Variants in GABRA3 observed in about 807,000 individuals in gnomAD.
GABRA3 encodes the protein gamma-aminobutyric acid receptor subunit alpha-3.
A neutral mutation model predicts 30.1 loss-of-function variants in GABRA3; 10 were observed. The observed-to-expected ratio is 0.33, with a 90% CI of 0.20 to 0.56. The LOEUF (loss-of-function observed/expected upper bound fraction) is 0.56. GABRA3 is among the 20% of genes least tolerant of loss of function. The probability of loss-of-function intolerance (pLI) is 0.89; values close to 1 mark genes in which losing one functional copy is unlikely to be tolerated. For synonymous variants in GABRA3, 151 were observed against 146.8 expected (o/e 1.03, Z -0.21); for missense variants, 233 against 392.0 (o/e 0.59, Z 3.42).
chrX:152,354,956 T>C (rs1940528033), intron 2 of GABRA3, among the ~76,000 whole-genome samples: 1 of 112,005 alleles, frequency 8.9e-6, no homozygotes, highest in African/African-American at 3.2e-5. Flanking sequence ...ATACTTATAT[T>C]CCAAGTAAAA....
rs145413873 is a variant in GABRA3, at chrX:152,316,573, G to T, written c.262+29008C>A. 7.9e-3 allele frequency among the ~76,000 whole-genome samples: 877 copies of T among 111,641 alleles called. 10 individuals carry two copies. The highest frequency in any genetic ancestry group is 0.027 in the African/African-American group (840 of 30,722). ...ACATAGTCATCAGGTTATCTAAAGT[G>T]AAGACAAAGGAGAGAATCTTAAGAG... is the stretch of plus-strand genomic sequence containing the variant. On this transcript the variant is annotated intron_variant, in intron 3 of 9. Transcript: ENST00000370314.
intron 1 of GABRA3, among the ~76,000 whole-genome samples, chrX:152,376,140 C>T (rs1341652708): frequency 8.9e-6 from 1 of 112,082 alleles, no homozygotes; most frequent in Non-Finnish European, 1.9e-5. Context: ...TAAACTAAGA[C>T]TGACAGATAC....
At chrX:152,400,500 C>T (rs1276726898) in intron 1 of GABRA3, among the ~76,000 whole-genome samples, 3 of 110,814 alleles carry the variant, frequency 2.7e-5, no homozygotes, top group Non-Finnish European at 5.7e-5. Context: ...CACAGTAAGA[C>T]CCTGTCTCAA....
intron 3 of GABRA3, among the ~76,000 whole-genome samples, chrX:152,314,399 T>A (rs1438229807): frequency 3.6e-5 from 4 of 112,294 alleles, no homozygotes; most frequent in African/African-American, 1.3e-4. Flanking sequence ...TTTTCTAGAA[T>A]AAAATCTTAT....
At chrX:152,299,622 G>T (rs929647126) in intron 3 of GABRA3, among the ~76,000 whole-genome samples, 8 of 111,827 alleles carry the variant, frequency 7.2e-5, no homozygotes, top group Non-Finnish European at 1.1e-4. Flanking sequence ...GTAAGAAAAA[G>T]AAGGTAAAAA....
rs192511419 is a variant in GABRA3 at position 152,210,406 on chromosome X, C to A, written c.635-2262G>T. Among the ~76,000 whole-genome samples, 1,082 of 111,800 alleles carry A rather than the reference C, an allele frequency of 9.7e-3. 8 individuals are homozygous for A. Among genetic ancestry groups the A allele is most frequent in the African/African-American group, 0.034 (1,033 of 30,795 alleles). ...TCATTTCTACTGGGAGCTCTTAATT[C>A]TCTTGTAAGTAAAACAAAAGTGCAA... On this transcript the variant is annotated intron_variant, in intron 6 of 9. Transcript: ENST00000370314.
chrX:152,407,162 C>A (rs1929957362), intron 1 of GABRA3, among the ~76,000 whole-genome samples: 1 of 111,122 alleles, frequency 9.0e-6, no homozygotes, highest in South Asian at 3.7e-4. Context: ...CCTAAGGCTT[C>A]ATCTTAAAAA....
intron 5 of GABRA3, among the ~76,000 whole-genome samples, chrX:152,227,679 C>T (rs1335540675): frequency 1.9e-5 from 2 of 107,949 alleles, no homozygotes; most frequent in East Asian, 5.9e-4. Flanking sequence ...TGTAGGGACC[C>T]TGGTTGCCTG....
chrX:152,343,339 A>C (rs1262592620), intron 3 of GABRA3, among the ~76,000 whole-genome samples: 1 of 110,623 alleles, frequency 9.0e-6, no homozygotes, highest in African/African-American at 3.3e-5. Flanking sequence ...GATTTCTATA[A>C]AACACTATAT....
intron 1 of GABRA3, among the ~76,000 whole-genome samples, chrX:152,432,481 TG>T (rs1484905973): frequency 9.0e-6 from 1 of 111,655 alleles, no homozygotes; most frequent in Non-Finnish European, 1.9e-5. Flanking sequence ...AAGAATATTA[TG>T]AACAACTTTA....
intron 8 of GABRA3, among the ~76,000 whole-genome samples, chrX:152,191,785 C>T (rs1406009130): frequency 9.0e-6 from 1 of 110,743 alleles, no homozygotes; most frequent in Non-Finnish European, 1.9e-5. Context: ...AACAGAAATA[C>T]CCTAAAGGAG....
intron 3 of GABRA3, among the ~76,000 whole-genome samples, chrX:152,339,663 T>C (rs943101456): frequency 1.8e-5 from 2 of 112,129 alleles, no homozygotes; most frequent in African/African-American, 6.5e-5. Context: ...GTTGTTAGCA[T>C]GGGTCAAGTT....
chrX:152,251,841 T>C (rs768599168), intron 5 of GABRA3, among the ~76,000 whole-genome samples: 162 of 111,027 alleles, frequency 1.5e-3, no homozygotes, highest in African/African-American at 4.9e-3. Flanking sequence ...ATTCATACCT[T>C]TTCTCTGTCC....
At chrX:152,224,482 T>A (rs1937900065) in intron 6 of GABRA3, among the ~76,000 whole-genome samples, 1 of 111,891 alleles carries the variant, frequency 8.9e-6, no homozygotes, top group Non-Finnish European at 1.9e-5. Flanking sequence ...TTTGGGCAAT[T>A]TAGAAAACAG....
intron 5 of GABRA3, among the ~76,000 whole-genome samples, chrX:152,235,383 G>A (rs138823512): frequency 0.01 from 1,112 of 110,852 alleles, 14 homozygotes; most frequent in African/African-American, 0.035. Context: ...TTTTGCAGCC[G>A]GAGCAATTAG....
intron 3 of GABRA3, among the ~76,000 whole-genome samples, chrX:152,295,035 C>CAAATATTGCA: frequency 9.0e-6 from 1 of 111,033 alleles, no homozygotes; most frequent in Admixed American, 9.6e-5. Context: ...TGCAGAACAG[C>CAAATATTGCA]GAATATTGCT....
intron 7 of GABRA3, among the ~76,000 whole-genome samples, chrX:152,205,949 A>G (rs922482091): frequency 8.9e-6 from 1 of 112,869 alleles, no homozygotes; most frequent in African/African-American, 3.2e-5. Flanking sequence ...TTAATTTCCA[A>G]CATTTGCTCC....
chrX:152,374,465 C>T (rs2124502954), intron 1 of GABRA3, among the ~76,000 whole-genome samples: 1 of 107,489 alleles, frequency 9.3e-6, no homozygotes, highest in South Asian at 4.2e-4. Flanking sequence ...ATTCTCCTGC[C>T]TCAGCCTCCC....
rs1569378249 is a variant in GABRA3 at position 152,275,216 on chromosome X, A to ATATATATAATTTATATTTAATAT, written c.330+9451_330+9452insATATTAAATATAAATTATATATA. 6.5e-4 allele frequency among the ~76,000 whole-genome samples: 32 copies of ATATATATAATTTATATTTAATAT among 49,591 alleles called. 2 individuals are homozygous for ATATATATAATTTATATTTAATAT. Among genetic ancestry groups the ATATATATAATTTATATTTAATAT allele is most frequent in the African/African-American group, 3.7e-3 (29 of 7,825 alleles). 43.1% of individuals were successfully genotyped at this position (49,591 alleles called of 115,157 possible). A position where few individuals can be genotyped will look rare whatever the true frequency, so the allele number is the denominator to read the frequency against. On this transcript the variant is annotated intron_variant, in intron 4 of 9. Transcript: ENST00000370314. Reference sequence around the variant, plus strand: ...ATATATAATTTATATATATAATATTATATATATATAATTTATATATATTTT... The same window carrying ATATATATAATTTATATTTAATAT: ...ATATATAATTTATATATATAATATTATATATATAATTTATATTTAATATTATATATATAATTTATATATATTTT...
Sources: gnomAD v4.1 joint callset for allele counts (sites outside exome capture counted in the v4.1 genomes callset) on GRCh38, gnomAD v4.1.1 for gene constraint, MANE v1.5 for transcripts, NCBI Gene and HGNC (gene_info 2026-07-23, HGNC 2026-07-21) for gene names.